The following ARHGAP25 variants were observed in gnomAD, a reference collection of about 807,000 sequenced individuals.
The protein encoded by ARHGAP25 is rho GTPase-activating protein 25.
A neutral mutation model predicts 71.0 loss-of-function variants in ARHGAP25; 34 were observed. That is an observed-to-expected ratio of 0.48 (90% CI 0.36 to 0.64). The LOEUF is 0.64. ARHGAP25 is among the 30% of genes least tolerant of loss of function. ARHGAP25 has a pLI of 0.00. For synonymous variants in ARHGAP25, 282 were observed against 296.5 expected, an observed-to-expected ratio of 0.95 and a Z score of 0.50; for missense variants, 706 against 805.1, an observed-to-expected ratio of 0.88 and a Z score of 1.49.
intron 2 of ARHGAP25, among the ~76,000 whole-genome samples, chr2:68,712,907 T>C (rs1674521153): frequency 6.6e-6 from 1 of 152,212 alleles, no homozygotes; most frequent in South Asian, 2.1e-4. Flanking sequence ...TTTTGGTTAC[T>C]GTAGCCTTGT....
At chr2:68,772,283 G>A (rs1300322556) in intron 1 of ARHGAP25, among the ~76,000 whole-genome samples, 1 of 152,200 alleles carries the variant, frequency 6.6e-6, no homozygotes, top group East Asian at 1.9e-4. Context: ...TCTGGGGGTG[G>A]CCCAAGGGGC....
rs568107142 is a variant in ARHGAP25 at position 68,717,976 on chromosome 2, G to A, written c.-18+7278G>A. ...ATCATATAATTAGAATAGTAAGTAC[G>A]GTTTATATCATCTTGGAATGCATTA... On this transcript the variant is annotated intron_variant and NMD_transcript_variant, in intron 2 of 7. Transcript: ENST00000463483. 3.9e-5 allele frequency among the ~76,000 whole-genome samples: 6 copies of A among 152,038 alleles called. No individual in the cohort carries two copies. In the South Asian group the frequency reaches 6.2e-4, roughly 16 times the overall value.
At chr2:68,797,933 C>T (rs1679683999) in intron 4 of ARHGAP25, among the ~76,000 whole-genome samples, 1 of 152,252 alleles carries the variant, frequency 6.6e-6, no homozygotes, top group African/African-American at 2.4e-5. Context: ...CTCAGCCACA[C>T]AGCTTTCCTG....
intron 2 of ARHGAP25, among the ~76,000 whole-genome samples, chr2:68,777,519 C>T (rs538287425): frequency 6.6e-6 from 1 of 152,318 alleles, no homozygotes; most frequent in South Asian, 2.1e-4. Flanking sequence ...CTCCTTACTT[C>T]TGGGAGGAAG....
rs891854058 is a variant in ARHGAP25, at chr2:68,767,241, A to C, written c.62-7980A>C. Among the ~76,000 whole-genome samples, 13 of 152,080 alleles carry C rather than the reference A, an allele frequency of 8.5e-5. No individual in the cohort carries two copies. The highest frequency in any genetic ancestry group is 5.2e-4 in the Admixed American group (8 of 15,280). On this transcript the variant is annotated intron_variant, in intron 1 of 10. Coordinates refer to ENST00000409202, the MANE Select transcript of ARHGAP25 (RefSeq NM_001007231.3). This position sits in a 1 kb window ranked among gnomAD's most constrained non-coding sequence, Gnocchi z 4.6. Reference sequence around the variant, plus strand: ...TAAAGTTAAAAACGAAACTCAAAAGAATGATGGGTGCTTTTCAATGGGGGG... The same window carrying C: ...TAAAGTTAAAAACGAAACTCAAAAGCATGATGGGTGCTTTTCAATGGGGGG...
At chr2:68,804,512 T>C (rs1680224959) in intron 4 of ARHGAP25, among the ~76,000 whole-genome samples, 1 of 152,254 alleles carries the variant, frequency 6.6e-6, no homozygotes, top group South Asian at 2.1e-4. Context: ...CCTAATTCCA[T>C]ATGGTTATTG....
At chr2:68,728,741 TATAAGTAAAC>T (rs1573383600) in intron 2 of ARHGAP25, among the ~76,000 whole-genome samples, 2 of 152,120 alleles carry the variant, frequency 1.3e-5, no homozygotes, top group East Asian at 3.9e-4. Flanking sequence ...TTATAAGTAA[TATAAGTAAAC>T]ATAAGTAAAT....
intron 1 of ARHGAP25, among the ~76,000 whole-genome samples, chr2:68,738,041 T>C (rs1456088224): frequency 6.6e-6 from 1 of 152,182 alleles, no homozygotes; most frequent in African/African-American, 2.4e-5. Context: ...TTCCTGAATC[T>C]GACCTATTGA....
intron 5 of ARHGAP25, among the ~76,000 whole-genome samples, chr2:68,810,523 T>A (rs1319412509): frequency 1.3e-5 from 2 of 152,238 alleles, no homozygotes; most frequent in African/African-American, 2.4e-5. Context: ...GTTTCAGTGT[T>A]GTAAGATGAT....
At chr2:68,737,368 C>A (rs1456929510) in intron 1 of ARHGAP25, among the ~76,000 whole-genome samples, 1 of 152,178 alleles carries the variant, frequency 6.6e-6, no homozygotes, top group Non-Finnish European at 1.5e-5. Flanking sequence ...AGCTGACAAT[C>A]TGTGGTTTTA....
At chr2:68,783,209 T>G (rs1458581692) in intron 3 of ARHGAP25, among the ~76,000 whole-genome samples, 1 of 152,184 alleles carries the variant, frequency 6.6e-6, no homozygotes, top group Non-Finnish European at 1.5e-5. Context: ...TTACTTAATT[T>G]CTCCCTGCCT....
chr2:68,751,513 A>G (rs975762697), intron 1 of ARHGAP25, among the ~76,000 whole-genome samples: 1 of 152,190 alleles, frequency 6.6e-6, no homozygotes, highest in Non-Finnish European at 1.5e-5. Context: ...CACACCTGCC[A>G]TTGCCATTTT....
Position 68,805,103 on chromosome 2 carries a change from G to T in ARHGAP25, c.467-2170G>T, listed in dbSNP as rs148737686. On this transcript the variant is annotated intron_variant, in intron 4 of 10. Coordinates refer to ENST00000409202, the MANE Select transcript of ARHGAP25 (RefSeq NM_001007231.3). ...TGAGAGGGGCCAAGGAGGAGAAAAA[G>T]AATTTTGTCCTCTTTGTCCTCCTGG... Among the ~76,000 whole-genome samples, 521 of 152,288 alleles carry T rather than the reference G, an allele frequency of 3.4e-3. 2 individuals carry two copies. Among genetic ancestry groups the T allele is most frequent in the African/African-American group, 0.012 (500 of 41,556 alleles).
intron 4 of ARHGAP25, among the ~76,000 whole-genome samples, chr2:68,788,984 C>CT (rs530959050): frequency 2.3e-4 from 35 of 151,640 alleles, no homozygotes; most frequent in Admixed American, 3.3e-4. Context: ...CATCTACACA[C>CT]TTTTTTCAGA....
chr2:68,802,424 A>AG (rs1195189619), intron 4 of ARHGAP25, among the ~76,000 whole-genome samples: 3 of 151,626 alleles, frequency 2.0e-5, no homozygotes, highest in Non-Finnish European at 4.4e-5. Context: ...AAAAAAAAAA[A>AG]AAAAAGAATG....
At chr2:68,782,971 A>G (rs1043905505) in intron 3 of ARHGAP25, among the ~76,000 whole-genome samples, 1 of 152,236 alleles carries the variant, frequency 6.6e-6, no homozygotes, top group Admixed American at 6.5e-5. Context: ...CTCCAGGACT[A>G]GAGGCTAATC....
At chr2:68,725,530 C>A (rs1368694010) in intron 2 of ARHGAP25, among the ~76,000 whole-genome samples, 4 of 152,004 alleles carry the variant, frequency 2.6e-5, no homozygotes, top group Non-Finnish European at 5.9e-5. Flanking sequence ...GGGGCCTCAA[C>A]TGTGTTGACC....
At chr2:68,773,145 AGACAGCAATATTG>A (rs1312743152) in intron 1 of ARHGAP25, among the ~76,000 whole-genome samples, 2 of 152,230 alleles carry the variant, frequency 1.3e-5, no homozygotes, top group Non-Finnish European at 2.9e-5. Context: ...AGTCCTCTTC[AGACAGCAATATTG>A]GACCGAAGGA....
At chr2:68,735,428 A>G (rs1675163758) in intron 1 of ARHGAP25, 168 bp downstream of exon 1, 1 of 682,822 alleles carries the variant, frequency 1.5e-6, no homozygotes, top group East Asian at 2.7e-5. Flanking sequence ...AAGTTCTAAA[A>G]TGCTGGGAGG....
Sources: allele counts gnomAD v4.1 joint callset (sites outside exome capture counted in the v4.1 genomes callset), GRCh38; gene constraint gnomAD v4.1.1; non-coding constraint Gnocchi (gnomAD v3.1); transcripts MANE v1.5; gene names NCBI Gene and HGNC (gene_info 2026-07-23, HGNC 2026-07-21).